The following VWC2L variants were observed in gnomAD, a reference collection of about 807,000 sequenced individuals.
The protein encoded by VWC2L is von Willebrand factor C domain-containing protein 2-like.
VWC2L carries 10 observed loss-of-function variants against 21.6 expected under a neutral mutation model. That is an observed-to-expected ratio of 0.46 (90% CI 0.29 to 0.78). The LOEUF is 0.78. Ranked by LOEUF, VWC2L falls within the 30% of genes least tolerant of loss-of-function variation. VWC2L has a pLI of 0.10. For missense variants in VWC2L, 209 were observed against 277.1 expected (o/e 0.75, Z 1.74); for synonymous variants, 96 against 94.3 (o/e 1.02, Z -0.10).
chr2:214,478,067 C>T (rs927182263), intron 3 of VWC2L, among the ~76,000 whole-genome samples: 2 of 152,290 alleles, frequency 1.3e-5, no homozygotes, highest in Non-Finnish European at 2.9e-5. Flanking sequence ...TAGAATGTCT[C>T]ATCCAAGGTA....
intron 3 of VWC2L, among the ~76,000 whole-genome samples, chr2:214,517,596 G>A (rs1689165331): frequency 6.6e-6 from 1 of 152,170 alleles, no homozygotes; most frequent in Non-Finnish European, 1.5e-5. Flanking sequence ...GAGAAGTAAA[G>A]GCAGATCCCA....
At chr2:214,561,817 CAT>C (rs1362033549) in intron 3 of VWC2L, among the ~76,000 whole-genome samples, 5 of 110,254 alleles carry the variant, frequency 4.5e-5, no homozygotes, top group African/African-American at 1.3e-4. Context: ...TATACACACA[CAT>C]ATATAATTTT....
At chr2:214,556,163 G>A (rs1385883302) in intron 3 of VWC2L, among the ~76,000 whole-genome samples, 1 of 152,206 alleles carries the variant, frequency 6.6e-6, no homozygotes. Context: ...AGGGGGCTGA[G>A]GCAGGAGAAT....
At chr2:214,417,582 T>C (rs960339204) in intron 2 of VWC2L, among the ~76,000 whole-genome samples, 2 of 151,888 alleles carry the variant, frequency 1.3e-5, no homozygotes, top group Non-Finnish European at 2.9e-5. Context: ...AAATCAGAGA[T>C]TGGGATGAAT....
intron 2 of VWC2L, among the ~76,000 whole-genome samples, chr2:214,421,776 T>G (rs1702444762): frequency 7.2e-6 from 1 of 139,640 alleles, no homozygotes; most frequent in South Asian, 2.2e-4. Flanking sequence ...TACATGGTTT[T>G]GGATATGTTA....
chr2:214,502,940 G>A (rs1192576736), intron 3 of VWC2L, among the ~76,000 whole-genome samples: 1 of 152,086 alleles, frequency 6.6e-6, no homozygotes, highest in Non-Finnish European at 1.5e-5. Context: ...GCTTCTATTT[G>A]TATGTAGTTG....
In VWC2L at chr2:214,454,425, T is replaced by C. The variant is rs549527282; in HGVS notation, c.520+17667T>C. Among the ~76,000 whole-genome samples, 4 of 151,796 alleles carry C rather than the reference T, an allele frequency of 2.6e-5. No individual in the cohort carries two copies. In the South Asian group the frequency reaches 8.3e-4, roughly 31 times the overall value. The stretch of plus-strand genomic sequence containing the variant: ...ACAGGTTTTTCATAGATGCTTGTTA[T>C]CAGTTTGAAAAAGTCCCCTTCTAGT... On this transcript the variant is annotated intron_variant, in intron 3 of 3. Coordinates refer to ENST00000312504, the MANE Select transcript of VWC2L (RefSeq NM_001080500.4).
Position 214,536,572 on chromosome 2 carries a change from T to C in VWC2L, c.521-39100T>C, listed in dbSNP as rs1258891656. Among the ~76,000 whole-genome samples the C allele has an allele frequency of 4.6e-5, 7 of 152,100 alleles. No individual in the cohort carries two copies. In the East Asian group the frequency reaches 5.8e-4, roughly 13 times the overall value. ...GCATAGAAATGACTATTTGCCCTTA[T>C]GCTTTTTGTGGAAAAACAGACTTAG... On this transcript the variant is annotated intron_variant, in intron 3 of 3. Transcript: ENST00000312504.
chr2:214,476,535 G>A (rs989896677), intron 3 of VWC2L, among the ~76,000 whole-genome samples: 2 of 152,084 alleles, frequency 1.3e-5, no homozygotes, highest in African/African-American at 4.8e-5. Context: ...TGTACCACAG[G>A]CTTAAACTAA....
At chr2:214,538,943 T>C (rs763499379) in intron 3 of VWC2L, among the ~76,000 whole-genome samples, 29 of 152,122 alleles carry the variant, frequency 1.9e-4, no homozygotes, top group Admixed American at 4.6e-4. Context: ...AAAACCTCTA[T>C]TGGGGAAAAA....
intron 3 of VWC2L, among the ~76,000 whole-genome samples, chr2:214,454,107 A>G (rs571373140): frequency 3.3e-5 from 5 of 152,126 alleles, no homozygotes; most frequent in African/African-American, 1.2e-4. Context: ...TGATATTTAT[A>G]TATTGCTCTT....
At chr2:214,470,803 T>C (rs7578767) in intron 3 of VWC2L, among the ~76,000 whole-genome samples, 149,639 of 151,768 alleles carry the variant, frequency 0.99, 73,797 homozygotes, top group East Asian at 1. Flanking sequence ...ATCCCAGCTA[T>C]TCAGGAGGGA....
intron 3 of VWC2L, among the ~76,000 whole-genome samples, chr2:214,474,533 A>T (rs1026868412): frequency 6.6e-6 from 1 of 152,168 alleles, no homozygotes; most frequent in Non-Finnish European, 1.5e-5. Context: ...GAGGGGAAAA[A>T]TACTTACTAT....
At chr2:214,491,329 T>A (rs927002759) in intron 3 of VWC2L, among the ~76,000 whole-genome samples, 3 of 152,024 alleles carry the variant, frequency 2.0e-5, no homozygotes, top group Non-Finnish European at 4.4e-5. Flanking sequence ...AAGAAAGGGG[T>A]AATGTTTGGT....
intron 3 of VWC2L, among the ~76,000 whole-genome samples, chr2:214,482,275 T>G (rs1032758354): frequency 2.0e-5 from 3 of 152,164 alleles, no homozygotes; most frequent in African/African-American, 7.2e-5. Flanking sequence ...AAAAGATTTT[T>G]AATAATTCTA....
intron 3 of VWC2L, among the ~76,000 whole-genome samples, chr2:214,445,533 C>A (rs1214015169): frequency 2.6e-5 from 4 of 151,158 alleles, no homozygotes; most frequent in Non-Finnish European, 5.9e-5. Context: ...TACATATATA[C>A]ATATTTATAG....
At chr2:214,568,085 T>A (rs928490898) in intron 3 of VWC2L, among the ~76,000 whole-genome samples, 8 of 152,204 alleles carry the variant, frequency 5.3e-5, no homozygotes, top group Admixed American at 3.3e-4. Flanking sequence ...TTAAACTCTC[T>A]TATTGTTTAG....
At chr2:214,561,511 C>A (rs1689970122) in intron 3 of VWC2L, among the ~76,000 whole-genome samples, 1 of 152,010 alleles carries the variant, frequency 6.6e-6, no homozygotes, top group African/African-American at 2.4e-5. Context: ...CGTGGTAGTT[C>A]ATGCCTATAA....
intron 2 of VWC2L, among the ~76,000 whole-genome samples, chr2:214,431,877 C>A (rs1287797288): frequency 2.0e-5 from 3 of 152,150 alleles, no homozygotes; most frequent in Non-Finnish European, 4.4e-5. Context: ...AGTCTGTAAT[C>A]ATCTACTGCT....
Sources: allele counts gnomAD v4.1 joint callset (sites outside exome capture counted in the v4.1 genomes callset), GRCh38; gene constraint gnomAD v4.1.1; transcripts MANE v1.5; gene names NCBI Gene and HGNC (gene_info 2026-07-23, HGNC 2026-07-21).